The following KLHL29 variants were observed in gnomAD, a reference collection of about 807,000 sequenced individuals.
KLHL29 encodes kelch-like protein 29.
KLHL29 carries 21 observed loss-of-function variants against 80.4 expected under a neutral mutation model. The observed-to-expected ratio is 0.26, with a 90% CI of 0.19 to 0.38. KLHL29 has a LOEUF of 0.38. Ranked by LOEUF, KLHL29 falls within the 10% of genes least tolerant of loss-of-function variation. The pLI, the probability that KLHL29 is intolerant of heterozygous loss-of-function variation, is 1.00. For missense variants in KLHL29, 867 were observed against 1,223.9 expected (o/e 0.71, Z 4.35); for synonymous variants, 511 against 526.8 (o/e 0.97, Z 0.41).
intron 1 of KLHL29, among the ~76,000 whole-genome samples, chr2:23,413,973 G>A (rs1184467165): frequency 6.6e-6 from 1 of 152,258 alleles, no homozygotes; most frequent in Non-Finnish European, 1.5e-5. Flanking sequence ...AAAAGAGGCT[G>A]CTGTTCTCAC....
chr2:23,486,524 A>G (rs1572351048), intron 2 of KLHL29, among the ~76,000 whole-genome samples: 1 of 152,158 alleles, frequency 6.6e-6, no homozygotes, highest in Non-Finnish European at 1.5e-5. Context: ...GGATGGGGCC[A>G]TGTGGGGGCT....
intron 1 of KLHL29, among the ~76,000 whole-genome samples, chr2:23,475,006 AT>A (rs1377647086): frequency 2.6e-5 from 4 of 151,076 alleles, no homozygotes; most frequent in African/African-American, 9.8e-5. Flanking sequence ...TAAATCTATA[AT>A]TTAAAAAAAA....
intron 3 of KLHL29, among the ~76,000 whole-genome samples, chr2:23,571,621 GT>G (rs1260377476): frequency 6.6e-6 from 1 of 152,150 alleles, no homozygotes; most frequent in Non-Finnish European, 1.5e-5. Flanking sequence ...TCTGGAAAAG[GT>G]TTCCTTGCTT....
At chr2:23,553,297 A>T (rs930003760) in intron 2 of KLHL29, among the ~76,000 whole-genome samples, 5 of 152,220 alleles carry the variant, frequency 3.3e-5, no homozygotes, top group Non-Finnish European at 7.3e-5. Context: ...ATGGGAGTGG[A>T]AATGTGGCAA....
intron 1 of KLHL29, among the ~76,000 whole-genome samples, chr2:23,438,987 A>G (rs201639544): frequency 7.1e-6 from 1 of 140,456 alleles, no homozygotes; most frequent in African/African-American, 2.8e-5. Context: ...ACAATTTCAG[A>G]TCCTGTTATT....
intron 2 of KLHL29, among the ~76,000 whole-genome samples, chr2:23,521,075 G>T (rs537357912): frequency 6.7e-6 from 1 of 148,662 alleles, no homozygotes; most frequent in African/African-American, 2.5e-5. Flanking sequence ...GTACATAACC[G>T]GATGGCTAGA....
intron 2 of KLHL29, among the ~76,000 whole-genome samples, chr2:23,551,155 T>A (rs1455761989): frequency 6.6e-6 from 1 of 152,252 alleles, no homozygotes; most frequent in Non-Finnish European, 1.5e-5. Flanking sequence ...TCCTGATGTT[T>A]ACAAGTTCCT....
intron 1 of KLHL29, among the ~76,000 whole-genome samples, chr2:23,396,557 C>T (rs933066325): frequency 6.6e-6 from 1 of 152,118 alleles, no homozygotes; most frequent in African/African-American, 2.4e-5. Flanking sequence ...CATTTGGAAG[C>T]TGGGCTGGTT....
At chr2:23,583,867 T>C (rs1668047108) in intron 3 of KLHL29, among the ~76,000 whole-genome samples, 1 of 152,156 alleles carries the variant, frequency 6.6e-6, no homozygotes, top group Admixed American at 6.5e-5. Context: ...AGAAGAAAAT[T>C]CTCTTTGCTG....
At position 23,708,551 on chromosome 2, in the gene KLHL29, A is replaced by G. The variant is rs1318550885; in HGVS notation, c.*1887A>G. On this transcript the variant is annotated 3_prime_UTR_variant, in exon 14 of 14. Coordinates refer to ENST00000486442, the MANE Select transcript of KLHL29 (RefSeq NM_052920.2). ...TCTCTGTAATGGTATTGTACATAGT[A>G]TATGTTTACTGTTAAGTTCTTGTTA... The G allele has an allele frequency of 2.6e-5, 4 of 152,222 alleles. No homozygotes were observed. Among genetic ancestry groups the G allele is most frequent in the African/African-American group, 7.2e-5 (3 of 41,460 alleles). The allele number at this position is 152,222 out of a possible 1,614,324, so 9.4% of individuals were successfully genotyped here.
chr2:23,671,742 A>G (rs566164748), intron 5 of KLHL29, among the ~76,000 whole-genome samples: 75 of 152,290 alleles, frequency 4.9e-4, no homozygotes, highest in African/African-American at 1.7e-3. Flanking sequence ...GAATGGAAAG[A>G]GAGTAGGAGG....
chr2:23,674,813 T>C (rs578256674), intron 5 of KLHL29, among the ~76,000 whole-genome samples: 2 of 151,834 alleles, frequency 1.3e-5, no homozygotes, highest in East Asian at 3.9e-4. Flanking sequence ...TAACAAGTTC[T>C]AACCCCTGGT....
At chr2:23,565,918 A>G (rs536914855) in intron 3 of KLHL29, among the ~76,000 whole-genome samples, 1 of 152,224 alleles carries the variant, frequency 6.6e-6, no homozygotes, top group South Asian at 2.1e-4. Context: ...CAGGGTGAAC[A>G]TCACGTGCCC....
rs1353644072 is a variant in KLHL29, at chr2:23,675,762, G to A, written c.941-8637G>A. ...TTAGCAACTGTAGATTGCATACGAA[G>A]CGCAGGGTTATCGCCGTTATTAGCA... On this transcript the variant is annotated intron_variant, in intron 5 of 13. Coordinates refer to ENST00000486442, the MANE Select transcript of KLHL29 (RefSeq NM_052920.2). Among the ~76,000 whole-genome samples the A allele has an allele frequency of 3.3e-5, 5 of 152,318 alleles. No homozygotes were observed. The East Asian group carries it at 9.6e-4, about 29-fold the overall frequency.
chr2:23,441,585 G>T (rs1663525815), intron 1 of KLHL29, among the ~76,000 whole-genome samples: 1 of 152,064 alleles, frequency 6.6e-6, no homozygotes, highest in Admixed American at 6.5e-5. Context: ...TTTGGGCAGG[G>T]CTCAGCAAGG....
At chr2:23,445,676 A>G (rs900321637) in intron 1 of KLHL29, among the ~76,000 whole-genome samples, 2 of 152,236 alleles carry the variant, frequency 1.3e-5, no homozygotes, top group Admixed American at 6.5e-5. Flanking sequence ...AGATATTGCT[A>G]CATTCTCCTC....
chr2:23,393,086 A>T (rs757970683), intron 1 of KLHL29, among the ~76,000 whole-genome samples: 1 of 152,236 alleles, frequency 6.6e-6, no homozygotes, highest in Non-Finnish European at 1.5e-5. Flanking sequence ...AGGGTTAAAG[A>T]TTCATCTAGA....
intron 3 of KLHL29, among the ~76,000 whole-genome samples, chr2:23,567,515 C>T (rs1667617199): frequency 6.6e-6 from 1 of 152,160 alleles, no homozygotes; most frequent in Non-Finnish European, 1.5e-5. Flanking sequence ...TTAGGGCTAT[C>T]GGGGTGGATA....
chr2:23,518,411 C>G (rs1007173126), intron 2 of KLHL29, among the ~76,000 whole-genome samples: 1 of 152,188 alleles, frequency 6.6e-6, no homozygotes, highest in South Asian at 2.1e-4. Context: ...GGAGCAAGAG[C>G]CTGGCTGCAA....
Sources: gnomAD v4.1 joint callset for allele counts (sites outside exome capture counted in the v4.1 genomes callset) on GRCh38, gnomAD v4.1.1 for gene constraint, MANE v1.5 for transcripts, NCBI Gene and HGNC (gene_info 2026-07-23, HGNC 2026-07-21) for gene names.